Variants in NRCAM observed in about 807,000 individuals in gnomAD.
The protein encoded by NRCAM is neuronal cell adhesion molecule.
NRCAM carries 83 observed loss-of-function variants against 156.5 expected under a neutral mutation model. The observed-to-expected ratio is 0.53, with a 90% CI of 0.44 to 0.64. The LOEUF (loss-of-function observed/expected upper bound fraction) is 0.64, where lower values mean the gene tolerates loss of function less well. Among genes scored for constraint, NRCAM ranks in the 30% least tolerant of loss-of-function variants. The pLI, the probability that NRCAM is intolerant of heterozygous loss-of-function variation, is 0.00. For missense variants in NRCAM, 1,417 were observed against 1,597.3 expected (o/e 0.89, Z 1.92); for synonymous variants, 538 against 563.9 (o/e 0.95, Z 0.65).
rs192466909 is a variant in NRCAM, at chr7:108,273,197, G to A, written c.-106-33027C>T. Among the ~76,000 whole-genome samples the A allele has an allele frequency of 9.2e-4, 140 of 152,182 alleles. 2 individuals carry two copies. In the East Asian group the frequency reaches 0.019, roughly 20 times the overall value. On this transcript the variant is annotated intron_variant, in intron 3 of 32. Coordinates refer to ENST00000379028, the MANE Select transcript of NRCAM (RefSeq NM_001037132.4). ...AGTCTTTGCTATTGTGAATAGTGCC[G>A]CAATAAACAAAAGTGTACATGTGTC...
rs551231256 is a variant in NRCAM at position 108,329,341 on chromosome 7, T to C, written c.-173-16610A>G. ...TCATGATAAGACCTTTAAAAAGTAA[T>C]AGAAGGTATTTCTAAAATGTATTAT... On this transcript the variant is annotated intron_variant, in intron 2 of 32. Transcript: ENST00000379028. Among the ~76,000 whole-genome samples the C allele has an allele frequency of 3.3e-5, 5 of 152,336 alleles. No homozygotes were observed. In the South Asian group the frequency reaches 1.0e-3, roughly 32 times the overall value.
intron 3 of NRCAM, among the ~76,000 whole-genome samples, chr7:108,309,799 G>A (rs1204571757): frequency 6.6e-6 from 1 of 152,194 alleles, no homozygotes; most frequent in East Asian, 1.9e-4. Context: ...GGAGTTTGCA[G>A]TGAGCAGAGA....
intron 32 of NRCAM, among the ~76,000 whole-genome samples, chr7:108,154,717 G>A (rs1313615448): frequency 1.3e-5 from 2 of 152,052 alleles, no homozygotes; most frequent in Non-Finnish European, 2.9e-5. Context: ...ATTAGAATCC[G>A]GTTAAATGAG....
intron 28 of NRCAM, among the ~76,000 whole-genome samples, chr7:108,172,163 T>C (rs2058692226): frequency 6.6e-6 from 1 of 152,242 alleles, no homozygotes; most frequent in Non-Finnish European, 1.5e-5. Context: ...GATATGGCAT[T>C]GTGGATCATC....
intron 1 of NRCAM, among the ~76,000 whole-genome samples, chr7:108,436,708 A>G (rs552828386): frequency 2.5e-4 from 38 of 152,332 alleles, no homozygotes; most frequent in South Asian, 6.2e-4. Flanking sequence ...ACTTTTTAAA[A>G]AGAAAGCAGC....
intron 2 of NRCAM, among the ~76,000 whole-genome samples, chr7:108,325,221 T>A (rs2099055027): frequency 6.6e-6 from 1 of 152,108 alleles, no homozygotes; most frequent in African/African-American, 2.4e-5. Context: ...AGTTCTTGGA[T>A]TACCATGGCA....
At chr7:108,229,558 G>A (rs532142093) in intron 8 of NRCAM, among the ~76,000 whole-genome samples, 39 of 152,196 alleles carry the variant, frequency 2.6e-4, no homozygotes, top group Non-Finnish European at 4.4e-4. Flanking sequence ...ACCTCTGGAG[G>A]GCTCCTGGTC....
In NRCAM at chr7:108,328,785, T is replaced by G. The variant is rs370897158; in HGVS notation, c.-173-16054A>C. 12 of 152,368 alleles carry G rather than the reference T, an allele frequency of 7.9e-5. No individual in the cohort carries two copies. The South Asian group carries it at 2.1e-3, about 26-fold the overall frequency. 9.4% of individuals were successfully genotyped at this position (152,368 alleles called of 1,614,324 possible). The stretch of plus-strand genomic sequence containing the variant: ...GTTTCAAGAAAGTAACTGCCATATT[T>G]TCACCTATGAGGGGGAGATTGTAAA... On this transcript the variant is annotated intron_variant, in intron 2 of 32. Coordinates refer to ENST00000379028, the MANE Select transcript of NRCAM (RefSeq NM_001037132.4).
intron 1 of NRCAM, among the ~76,000 whole-genome samples, chr7:108,445,999 T>C (rs17423043): frequency 0.25 from 37,472 of 152,028 alleles, 4,938 homozygotes; most frequent in Non-Finnish European, 0.29. Context: ...ATTCAGAGGG[T>C]AGAAAGCAAT....
At chr7:108,416,471 G>A (rs1801684976) in intron 1 of NRCAM, among the ~76,000 whole-genome samples, 1 of 152,258 alleles carries the variant, frequency 6.6e-6, no homozygotes, top group Admixed American at 6.5e-5. Flanking sequence ...GCTGAGATCA[G>A]AGAGCTGTTT....
chr7:108,257,244 C>CA (rs1285988736), intron 3 of NRCAM, among the ~76,000 whole-genome samples: 5 of 152,082 alleles, frequency 3.3e-5, no homozygotes, highest in Admixed American at 6.5e-5. Flanking sequence ...TGTCAGTCGA[C>CA]AGTCATGTTC....
intron 3 of NRCAM, among the ~76,000 whole-genome samples, chr7:108,283,985 C>T (rs1246845080): frequency 6.6e-6 from 1 of 152,040 alleles, no homozygotes; most frequent in African/African-American, 2.4e-5. Context: ...AGCTGGATTA[C>T]AGGCACACAC....
chr7:108,178,172 T>C (rs2061671791), intron 25 of NRCAM, 60 bp from the exon 26 acceptor site: 8 of 1,564,866 alleles, frequency 5.1e-6, no homozygotes, highest in South Asian at 1.2e-5. Flanking sequence ...ATGTATTAAA[T>C]TGACATTTCA....
chr7:108,202,459 A>G (rs1323106331), intron 13 of NRCAM, among the ~76,000 whole-genome samples: 1 of 152,244 alleles, frequency 6.6e-6, no homozygotes, highest in Non-Finnish European at 1.5e-5. Context: ...AAATGGCAGC[A>G]TGTACTGGTT....
chr7:108,285,290 T>C (rs1411431507), intron 3 of NRCAM, among the ~76,000 whole-genome samples: 1 of 152,182 alleles, frequency 6.6e-6, no homozygotes, highest in Non-Finnish European at 1.5e-5. Flanking sequence ...CAAAATACTA[T>C]ACCACTAATC....
intron 1 of NRCAM, among the ~76,000 whole-genome samples, chr7:108,417,531 G>A (rs1035212737): frequency 2.6e-5 from 4 of 152,172 alleles, no homozygotes; most frequent in African/African-American, 7.2e-5. Context: ...AAATTTCAAC[G>A]CGAATTTTGG....
chr7:108,275,905 A>T (rs928495746), intron 3 of NRCAM, among the ~76,000 whole-genome samples: 5 of 151,972 alleles, frequency 3.3e-5, no homozygotes, highest in Non-Finnish European at 5.9e-5. Context: ...ACTGCTTTAA[A>T]TGTGTCCCAG....
chr7:108,224,177 A>G (rs116325251), intron 10 of NRCAM, among the ~76,000 whole-genome samples: 3 of 152,184 alleles, frequency 2.0e-5, no homozygotes, highest in Admixed American at 6.5e-5. Flanking sequence ...TCATGTTATC[A>G]AACTACATTT....
intron 32 of NRCAM, among the ~76,000 whole-genome samples, chr7:108,158,410 T>C (rs943583417): frequency 6.6e-6 from 1 of 152,298 alleles, no homozygotes; most frequent in African/African-American, 2.4e-5. Context: ...TTTTTCTCAA[T>C]CAGTTCTACA....
Sources: allele counts gnomAD v4.1 joint callset (sites outside exome capture counted in the v4.1 genomes callset), GRCh38; gene constraint gnomAD v4.1.1; transcripts MANE v1.5; gene names NCBI Gene and HGNC (gene_info 2026-07-23, HGNC 2026-07-21).